The following LINGO2 variants were observed in gnomAD, a reference collection of about 807,000 sequenced individuals.
LINGO2 encodes leucine rich repeat and Ig domain containing 2, also known as leucine-rich repeat and immunoglobulin-like domain-containing nogo receptor-interacting protein 2.
A neutral mutation model predicts 30.6 loss-of-function variants in LINGO2; 14 were observed. The ratio of observed to expected loss-of-function variants is 0.46; its 90% CI spans 0.30 to 0.72. LINGO2 has a LOEUF of 0.72. LINGO2 is among the 30% of genes least tolerant of loss of function. The pLI is 0.07. For synonymous variants in LINGO2, 317 were observed against 288.5 expected (o/e 1.10, Z -1.00); for missense variants, 729 against 751.7 (o/e 0.97, Z 0.35).
chr9:28,509,965 C>T (rs1034551610), intron 1 of LINGO2, among the ~76,000 whole-genome samples: 4 of 152,182 alleles, frequency 2.6e-5, no homozygotes, highest in Admixed American at 6.5e-5. Context: ...TGCAATAATT[C>T]GTAATGATAA....
At chr9:28,829,984 A>G in the LINGO2 span, among the ~76,000 whole-genome samples, 2 of 152,204 alleles carry the variant, frequency 1.3e-5, no homozygotes, top group Non-Finnish European at 2.9e-5. Flanking sequence ...AGGAACATAC[A>G]TTCATAACCA....
chr9:28,508,813 T>C (rs1430447761), intron 1 of LINGO2, among the ~76,000 whole-genome samples: 3 of 152,068 alleles, frequency 2.0e-5, no homozygotes, highest in Admixed American at 1.3e-4. Context: ...AACAAAGGAT[T>C]TCTCCCTACC....
At position 28,614,669 on chromosome 9, in the gene LINGO2, A is replaced by G. The variant is rs1219760910; in HGVS notation, c.-365+55531T>C. Among the ~76,000 whole-genome samples, 3 of 152,256 alleles carry G rather than the reference A, an allele frequency of 2.0e-5. No homozygotes were observed. The South Asian group carries it at 6.2e-4, about 32-fold the overall frequency. ...GGTGAAATTTAGGTCATAACTTCCAATGTTAATTAATTTGCACCTCAAGCC... is the reference window on the plus strand; with the variant it reads ...GGTGAAATTTAGGTCATAACTTCCAGTGTTAATTAATTTGCACCTCAAGCC... On this transcript the variant is annotated intron_variant, in intron 1 of 5. Coordinates refer to ENST00000379992, the Ensembl canonical transcript of LINGO2.
chr9:28,776,436 C>CAA, the LINGO2 span, among the ~76,000 whole-genome samples: 2 of 152,062 alleles, frequency 1.3e-5, no homozygotes, highest in Non-Finnish European at 2.9e-5. Flanking sequence ...TAGAATTATG[C>CAA]AAAAACTAAA....
the LINGO2 span, among the ~76,000 whole-genome samples, chr9:28,785,903 G>T: frequency 6.6e-6 from 1 of 152,312 alleles, no homozygotes; most frequent in South Asian, 2.1e-4. Context: ...ATGACAAAAT[G>T]TACACTAAAT....
intron 2 of LINGO2, among the ~76,000 whole-genome samples, chr9:28,459,711 T>C (rs1325257559): frequency 1.3e-5 from 2 of 151,812 alleles, no homozygotes; most frequent in African/African-American, 4.8e-5. Flanking sequence ...AAATATATTA[T>C]TTATCAAATA....
chr9:28,639,799 T>G (rs572267277), intron 1 of LINGO2, among the ~76,000 whole-genome samples: 1 of 152,330 alleles, frequency 6.6e-6, no homozygotes, highest in Non-Finnish European at 1.5e-5. Context: ...GTCTTTTAAT[T>G]GGAGCATTTA....
At chr9:28,479,910 G>GT (rs1825877893) in intron 1 of LINGO2, among the ~76,000 whole-genome samples, 1 of 17,236 alleles carries the variant, frequency 5.8e-5, no homozygotes, top group South Asian at 2.5e-3. Context: ...TATATACGTA[G>GT]GTATATATAT....
chr9:28,890,309 T>TA, the LINGO2 span, among the ~76,000 whole-genome samples: 1 of 152,060 alleles, frequency 6.6e-6, no homozygotes, highest in Non-Finnish European at 1.5e-5. Context: ...GTCTCACTGT[T>TA]AAAGGACTGA....
At chr9:29,167,154 A>T in the LINGO2 span, among the ~76,000 whole-genome samples, 1 of 152,154 alleles carries the variant, frequency 6.6e-6, no homozygotes, top group Non-Finnish European at 1.5e-5. Context: ...CAGATATTCA[A>T]GAACAGGCCA....
At chr9:28,196,556 T>C (rs1587197350) in intron 4 of LINGO2, among the ~76,000 whole-genome samples, 1 of 151,926 alleles carries the variant, frequency 6.6e-6, no homozygotes, top group African/African-American at 2.4e-5. Flanking sequence ...TATGAATAAT[T>C]GAAATGGATA....
intron 4 of LINGO2, among the ~76,000 whole-genome samples, chr9:28,164,942 T>G (rs1828385820): frequency 6.6e-6 from 1 of 152,182 alleles, no homozygotes. Context: ...CCATTAAAAT[T>G]TTTGGCTTTT....
chr9:28,022,909 T>C (rs1823203809), intron 4 of LINGO2, among the ~76,000 whole-genome samples: 1 of 152,050 alleles, frequency 6.6e-6, no homozygotes, highest in Non-Finnish European at 1.5e-5. Context: ...GCTTCTATTG[T>C]GACTTATCTT....
At chr9:28,234,623 C>T (rs1452421755) in intron 4 of LINGO2, among the ~76,000 whole-genome samples, 2 of 152,206 alleles carry the variant, frequency 1.3e-5, no homozygotes, top group African/African-American at 4.8e-5. Context: ...TCATCTTTCT[C>T]CTCTGCTGGA....
chr9:28,709,525 T>C, the LINGO2 span, among the ~76,000 whole-genome samples: 1 of 152,020 alleles, frequency 6.6e-6, no homozygotes, highest in African/African-American at 2.4e-5. Context: ...CTTAAATAAA[T>C]TTTCAAAATT....
chr9:29,046,805 A>G, the LINGO2 span, among the ~76,000 whole-genome samples: 1 of 151,978 alleles, frequency 6.6e-6, no homozygotes. Context: ...AGGGCCGGGC[A>G]TGGTGGCTCA....
chr9:28,601,259 A>C (rs149592781), intron 1 of LINGO2, among the ~76,000 whole-genome samples: 1 of 152,300 alleles, frequency 6.6e-6, no homozygotes, highest in African/African-American at 2.4e-5. Flanking sequence ...GTGAAAAGAC[A>C]GACATCCAAA....
chr9:28,687,029 T>C, the LINGO2 span, among the ~76,000 whole-genome samples: 3 of 152,076 alleles, frequency 2.0e-5, no homozygotes, highest in African/African-American at 7.2e-5. Flanking sequence ...AGTTACATCA[T>C]TGACCATATT....
At chr9:28,728,412 A>G in the LINGO2 span, among the ~76,000 whole-genome samples, 79 of 152,286 alleles carry the variant, frequency 5.2e-4, no homozygotes, top group Non-Finnish European at 9.6e-4. Context: ...TGCAAATGAA[A>G]AAAAAGAAAA....
Sources: gnomAD v4.1 joint callset for allele counts (sites outside exome capture counted in the v4.1 genomes callset) on GRCh38, gnomAD v4.1.1 for gene constraint, MANE v1.5 for transcripts, NCBI Gene and HGNC (gene_info 2026-07-23, HGNC 2026-07-21) for gene names.